Variants in CABLES1 observed in about 807,000 individuals in gnomAD.
CABLES1 encodes CDK5 and ABL1 enzyme substrate 1.
In CABLES1, 36 loss-of-function variants were observed where a neutral mutation model predicts 57.8. The observed-to-expected ratio is 0.62, with a 90% CI of 0.48 to 0.82. CABLES1 has a LOEUF of 0.82. Among genes scored for constraint, CABLES1 ranks in the 40% least tolerant of loss-of-function variants. The pLI is 0.00. For missense variants in CABLES1, 767 were observed against 836.6 expected, an observed-to-expected ratio of 0.92 and a Z score of 1.03; for synonymous variants, 374 against 363.0, an observed-to-expected ratio of 1.03 and a Z score of -0.35.
rs1177654760 is a variant in CABLES1 at position 23,258,359 on chromosome 18, G to C, written c.*992G>C. 1 of 152,456 alleles carries C rather than the reference G, an allele frequency of 6.6e-6. No homozygotes were observed. The highest frequency in any genetic ancestry group is 6.5e-5 in the Admixed American group (1 of 15,290). 9.4% of individuals were successfully genotyped at this position (152,456 alleles called of 1,614,324 possible). ...TGTTTTATAAAAACCCAGAATAGGA[G>C]CACGACGCATGATTGGTGTTTGAGG... On this transcript the variant is annotated 3_prime_UTR_variant, in exon 10 of 10. Transcript: ENST00000256925.
intron 7 of CABLES1, among the ~76,000 whole-genome samples, chr18:23,248,512 C>CTTTTTTTTTTTTTTTTTTTTTT (rs59555750): frequency 1.1e-5 from 1 of 90,714 alleles, no homozygotes; most frequent in Non-Finnish European, 2.1e-5. Context: ...GACCCTATGT[C>CTTTTTTTTTTTTTTTTTTTTTT]TTTTTTTTTT....
At chr18:23,160,033 C>T (rs1339169012) in intron 1 of CABLES1, among the ~76,000 whole-genome samples, 2 of 150,946 alleles carry the variant, frequency 1.3e-5, no homozygotes, top group Admixed American at 1.3e-4. Flanking sequence ...TTATCCCAAG[C>T]AAGAACTTTT....
Position 23,257,320 on chromosome 18 carries a change from G to A in CABLES1, c.1855G>A (p.Glu619Lys), listed in dbSNP as rs371602566. Residue 619 changes from glutamate (E) to lysine (K), a missense_variant, in exon 10 of 10, where the codon GAG becomes AAG. Around this residue, in one of 4 missense-constraint regions of CABLES1, gnomAD observed 25 missense variants for 23.1 expected, o/e 1.08. Transcript: ENST00000256925. ...VALEFALHLP[E>K]HEVMPHYRRL... ...CTTGGAATTCGCCCTCCACTTGCCC[G>A]AGCACGAAGTCATGCCCCACTACAG... 1.4e-5 allele frequency: 22 copies of A among 1,613,732 alleles called. No homozygotes were observed. The highest frequency in any genetic ancestry group is 8.0e-5 in the African/African-American group (6 of 74,870).
At chr18:23,139,777 A>T (rs935673596) in intron 1 of CABLES1, among the ~76,000 whole-genome samples, 3 of 152,218 alleles carry the variant, frequency 2.0e-5, no homozygotes, top group Admixed American at 1.3e-4. Flanking sequence ...TAGTTGGGCC[A>T]GGATAGGAAC....
At chr18:23,211,591 G>A (rs2047405107) in intron 3 of CABLES1, among the ~76,000 whole-genome samples, 1 of 152,230 alleles carries the variant, frequency 6.6e-6, no homozygotes, top group Admixed American at 6.5e-5. Context: ...AGACTTATTA[G>A]TACCCAAAAA....
intron 7 of CABLES1, among the ~76,000 whole-genome samples, chr18:23,238,711 T>C (rs907479928): frequency 5.3e-5 from 8 of 152,238 alleles, no homozygotes; most frequent in African/African-American, 1.9e-4. Context: ...AAATTCACTT[T>C]ATTTATTAAG....
chr18:23,252,641 C>T lies in CABLES1; in HGVS notation c.1447-319C>T, dbSNP rs150342810. On this transcript the variant is annotated intron_variant, in intron 7 of 9. Transcript: ENST00000256925. ...ACATCCAAGCCCCACGCGCTTAAGC[C>T]CCATACCGTGTGAACAGGCTGACAC... Among the ~76,000 whole-genome samples, 1,191 of 152,272 alleles carry T rather than the reference C, an allele frequency of 7.8e-3. 12 individuals are homozygous for T. The highest frequency in any genetic ancestry group is 0.026 in the African/African-American group (1,072 of 41,554).
At chr18:23,245,834 G>C (rs2047863344) in intron 7 of CABLES1, among the ~76,000 whole-genome samples, 1 of 152,232 alleles carries the variant, frequency 6.6e-6, no homozygotes, top group African/African-American at 2.4e-5. Flanking sequence ...TCCATGAGCG[G>C]AATGAGCACC....
intron 3 of CABLES1, chr18:23,197,513 G>T (rs927898620): frequency 6.6e-6 from 1 of 152,512 alleles, no homozygotes; most frequent in African/African-American, 2.4e-5. Flanking sequence ...CCAAGCTGAG[G>T]GTGCTTTGGG....
chr18:23,231,039 CG>C (rs2047564024), intron 4 of CABLES1, among the ~76,000 whole-genome samples: 1 of 152,166 alleles, frequency 6.6e-6, no homozygotes, highest in South Asian at 2.1e-4. Flanking sequence ...ATTTCCCTTC[CG>C]ACTTAGGAGA....
At chr18:23,197,184 G>A (rs1038275355) in intron 3 of CABLES1, 2 of 152,206 alleles carry the variant, frequency 1.3e-5, no homozygotes, top group Non-Finnish European at 2.9e-5. Flanking sequence ...GACAATACTT[G>A]TGGCATTGAA....
At chr18:23,154,551 A>T (rs867446268) in intron 1 of CABLES1, among the ~76,000 whole-genome samples, 13 of 152,210 alleles carry the variant, frequency 8.5e-5, no homozygotes, top group South Asian at 2.1e-4. Context: ...CAAATCTGAG[A>T]TCTCTGTAAG....
chr18:23,135,185 C>T (rs1254504472), upstream of CABLES1, among the ~76,000 whole-genome samples: 1 of 152,154 alleles, frequency 6.6e-6, no homozygotes, highest in Admixed American at 6.5e-5. Flanking sequence ...AACGTGCTCG[C>T]CTCCCGCACC....
At chr18:23,196,319 T>C (rs2145028441) in intron 3 of CABLES1, among the ~76,000 whole-genome samples, 1 of 152,258 alleles carries the variant, frequency 6.6e-6, no homozygotes, top group Admixed American at 6.5e-5. Context: ...GGCTGTAGGC[T>C]GAGGCCACGG....
chr18:23,136,203 G>A lies in CABLES1; in HGVS notation c.441G>A (p.Pro147=), dbSNP rs1260368249. ...GCCTCCCACAGCCCTCGTCGCTGCC[G>A]CCCTTGATTCCTGGCGGCCATGCGA... The part of the protein sequence containing the change: ...GPCLPQPSSL[P]PLIPGGHATV... The change falls in exon 1 of 10, where the codon CCG becomes CCA. Residue 147 remains proline (P), a synonymous_variant. Transcript: ENST00000256925. 7.2e-6 allele frequency: 9 copies of A among 1,251,694 alleles called. No homozygotes were observed. Among genetic ancestry groups the A allele is most frequent in the Non-Finnish European group, 9.0e-6 (9 of 1,001,156 alleles). 77.5% of individuals were successfully genotyped at this position (1,251,694 alleles called of 1,614,324 possible).
chr18:23,136,784 C>T (rs368272682), intron 1 of CABLES1, among the ~76,000 whole-genome samples, 177 bp downstream of exon 1: 21 of 152,362 alleles, frequency 1.4e-4, no homozygotes, highest in African/African-American at 4.6e-4. Flanking sequence ...GGGGCGTCCC[C>T]AGGGAGTGCG....
chr18:23,144,474 A>G lies in CABLES1; in HGVS notation c.845+7867A>G, dbSNP rs904873206. ...TTGTGGAGGCTGCACCACCCAGCCC[A>G]CCCTACCTGAGCCTGTCTCTCCCAC... is the stretch of plus-strand genomic sequence containing the variant. On this transcript the variant is annotated intron_variant, in intron 1 of 9. Coordinates refer to ENST00000256925, the MANE Select transcript of CABLES1 (RefSeq NM_001100619.3). Among the ~76,000 whole-genome samples, 7 of 152,134 alleles carry G rather than the reference A, an allele frequency of 4.6e-5. No homozygotes were observed. In the East Asian group the frequency reaches 5.8e-4, roughly 13 times the overall value.
At chr18:23,165,818 G>A (rs1209168204) in intron 1 of CABLES1, among the ~76,000 whole-genome samples, 1 of 152,076 alleles carries the variant, frequency 6.6e-6, no homozygotes, top group Non-Finnish European at 1.5e-5. Context: ...GAGCATAGAT[G>A]CACAGTGTGC....
At chr18:23,218,947 C>G (rs1476139721) in intron 4 of CABLES1, among the ~76,000 whole-genome samples, 3 of 152,294 alleles carry the variant, frequency 2.0e-5, no homozygotes, top group African/African-American at 7.2e-5. Context: ...CTGGAGAACA[C>G]TGGAGCTGCC....
Sources: allele counts gnomAD v4.1 joint callset (sites outside exome capture counted in the v4.1 genomes callset), GRCh38; gene constraint gnomAD v4.1.1; regional missense constraint gnomAD v4.1.1; transcripts MANE v1.5; gene names NCBI Gene and HGNC (gene_info 2026-07-23, HGNC 2026-07-21).